CENPF: variants seen among roughly 807,000 people sequenced by gnomAD.
CENPF encodes the protein centromere protein F, also known as AH antigen.
In CENPF, 214 loss-of-function variants were observed where a neutral mutation model predicts 307.3. That is an observed-to-expected ratio of 0.70 (90% CI 0.62 to 0.78). CENPF has a LOEUF of 0.78. Ranked by LOEUF, CENPF falls within the 30% of genes least tolerant of loss-of-function variation. CENPF has a pLI of 0.00. For missense variants in CENPF, 3,401 were observed against 3,483.9 expected (o/e 0.98, Z 0.60); for synonymous variants, 1,259 against 1,270.6 (o/e 0.99, Z 0.19).
At chr1:214,618,468 A>G (rs1657416782) in intron 3 of CENPF, 105 bp from the exon 4 acceptor site, 7 of 1,317,956 alleles carry the variant, frequency 5.3e-6, no homozygotes, top group Admixed American at 2.3e-5. Flanking sequence ...TTCTTAGTGG[A>G]TGGGTTTCTT....
At chr1:214,605,761 G>A (rs1271699057) in intron 1 of CENPF, 4 of 1,594,076 alleles carry the variant, frequency 2.5e-6, no homozygotes, top group Non-Finnish European at 3.4e-6. Context: ...CGTTGTGCCT[G>A]GTGCCCTCCA....
chr1:214,631,647 C>T (rs999212285), intron 9 of CENPF, among the ~76,000 whole-genome samples: 5 of 152,230 alleles, frequency 3.3e-5, no homozygotes, highest in East Asian at 1.9e-4. Context: ...TTACAGGCGC[C>T]TGCCACCACG....
At position 214,655,303 on chromosome 1, in the gene CENPF, G is replaced by A. The variant is rs753288669; in HGVS notation, c.8385G>A (p.Met2795Ile). The change falls in exon 17 of 20, where the codon ATG (methionine) becomes ATA (isoleucine). Residue 2795 changes from methionine to isoleucine, a missense_variant. Coordinates refer to ENST00000366955, the MANE Select transcript of CENPF (RefSeq NM_016343.4). Reference sequence around the variant, plus strand: ...AAAATGAACGTGCCCAGGGGAAAATGAAGTTGTTGATCAAATCCTGTAAAC... The same window carrying A: ...AAAATGAACGTGCCCAGGGGAAAATAAAGTTGTTGATCAAATCCTGTAAAC... ...KKENERAQGKMKLLIKSCKQL... is the reference protein window; with the variant it reads ...KKENERAQGKIKLLIKSCKQL... 1.2e-6 allele frequency: 2 copies of A among 1,609,698 alleles called. No homozygotes were observed. The highest frequency in any genetic ancestry group is 1.7e-4 in the Middle Eastern group (1 of 6,044).
chr1:214,633,700 A>G (rs986992927), intron 10 of CENPF, among the ~76,000 whole-genome samples: 3 of 151,914 alleles, frequency 2.0e-5, no homozygotes, highest in African/African-American at 7.3e-5. Flanking sequence ...CAAAGGGGCA[A>G]TACTGCTGGA....
At chr1:214,619,010 C>T in intron 4 of CENPF, 119 bp from the exon 5 acceptor site, 1 of 604,412 alleles carries the variant, frequency 1.7e-6, no homozygotes, top group Admixed American at 3.4e-5. Context: ...ATTTCCCTAA[C>T]CAAAATGTTG....
At chr1:214,658,496 A>T (rs746700309) in intron 18 of CENPF, among the ~76,000 whole-genome samples, 3 of 150,810 alleles carry the variant, frequency 2.0e-5, no homozygotes, top group Non-Finnish European at 4.4e-5. Flanking sequence ...TTTTTCCCCA[A>T]CCCAATTTTA....
At chr1:214,634,413 AGAGT>A (rs1253030590) in intron 10 of CENPF, among the ~76,000 whole-genome samples, 5 of 152,166 alleles carry the variant, frequency 3.3e-5, no homozygotes, top group African/African-American at 1.2e-4. Flanking sequence ...TAGTGGCTTT[AGAGT>A]GAGTGAGATC....
rs1658669990 is a variant in CENPF, at chr1:214,657,405, G to A, written c.8958G>A (p.Lys2986=). Residue 2986 remains lysine, a synonymous_variant, in exon 18 of 20, where the codon AAG becomes AAA. Coordinates refer to ENST00000366955, the MANE Select transcript of CENPF (RefSeq NM_016343.4). ...FEPEGLPEVV[K]KGFADIPTGK... is the part of the protein sequence containing the mutation. The stretch of plus-strand genomic sequence containing the variant: ...CAGAGGGACTTCCAGAAGTTGTAAA[G>A]AAAGGTATGCCTAATTTAAAGACAA... The A allele has an allele frequency of 6.3e-7, 1 of 1,597,296 alleles. No homozygotes were observed. Among genetic ancestry groups the A allele is most frequent in the Non-Finnish European group, 8.5e-7 (1 of 1,171,822 alleles).
chr1:214,639,783 C>A, intron 11 of CENPF, 138 bp from the exon 12 acceptor site: 1 of 447,898 alleles, frequency 2.2e-6, no homozygotes, highest in Non-Finnish European at 3.8e-6. Context: ...GGTACCCAGG[C>A]AATAATGCCA....
chr1:214,607,841 C>T (rs1377840836), intron 1 of CENPF, among the ~76,000 whole-genome samples: 1 of 152,156 alleles, frequency 6.6e-6, no homozygotes, highest in Non-Finnish European at 1.5e-5. Flanking sequence ...TGCACCTGAC[C>T]CTGCAGGCCC....
At chr1:214,660,846 G>C (rs150165361) in intron 19 of CENPF, among the ~76,000 whole-genome samples, 1 of 152,174 alleles carries the variant, frequency 6.6e-6, no homozygotes, top group South Asian at 2.1e-4. Flanking sequence ...AGTTCTGTGA[G>C]GTTACTGATT....
At chr1:214,633,081 A>G (rs1181672620) in intron 10 of CENPF, among the ~76,000 whole-genome samples, 1 of 152,258 alleles carries the variant, frequency 6.6e-6, no homozygotes. Context: ...GTAGTGACAG[A>G]TAAAGAGTTT....
Position 214,622,249 on chromosome 1 carries a change from A to G in CENPF, c.1036A>G (p.Thr346Ala). 1 of 1,613,940 alleles carries G rather than the reference A, an allele frequency of 6.2e-7. No individual in the cohort carries two copies. Reference protein sequence around the residue: ...LNKCRDELVRTTAQYDQASTK... With the variant: ...LNKCRDELVRATAQYDQASTK... The stretch of plus-strand genomic sequence containing the variant: ...CAAATGTAGGGATGAACTAGTGAGA[A>G]CAACAGCACAATACGACCAGGCGTC... Residue 346 changes from threonine to alanine, a missense_variant, in exon 7 of 20, where the codon ACA becomes GCA. Coordinates refer to ENST00000366955, the MANE Select transcript of CENPF (RefSeq NM_016343.4).
At chr1:214,618,094 A>C (rs1460123562) in intron 3 of CENPF, among the ~76,000 whole-genome samples, 1 of 152,226 alleles carries the variant, frequency 6.6e-6, no homozygotes, top group Non-Finnish European at 1.5e-5. Flanking sequence ...AGAACCAAGC[A>C]TAGGAGGAAG....
Position 214,640,464 on chromosome 1 carries a change from T to A in CENPF, c.2126T>A (p.Phe709Tyr), listed in dbSNP as rs751514819. The stretch of plus-strand genomic sequence containing the variant: ...ATGGAGCTACAGCAGAAAGCTGAGT[T>A]CTCAGATCAGAAACATCAGAAGGAA... ...AYMELQQKAE[F>Y]SDQKHQKEIE... The change falls in exon 12 of 20, where the codon TTC becomes TAC. Residue 709 changes from phenylalanine (F) to tyrosine (Y), a missense_variant. Physicochemically the swap from Phe to Tyr is conservative, Grantham distance 22. Transcript: ENST00000366955. 2 of 1,613,972 alleles carry A rather than the reference T, an allele frequency of 1.2e-6. No homozygotes were observed. Among genetic ancestry groups the A allele is most frequent in the Non-Finnish European group, 1.7e-6 (2 of 1,179,876 alleles).
intron 7 of CENPF, among the ~76,000 whole-genome samples, chr1:214,626,208 T>C (rs566166320): frequency 6.6e-6 from 1 of 152,292 alleles, no homozygotes; most frequent in Admixed American, 6.5e-5. Flanking sequence ...TGAAGGATAT[T>C]CTGTTGGGTA....
At position 214,613,657 on chromosome 1, in the gene CENPF, C is replaced by A. The variant is rs188192791; in HGVS notation, c.-41-57C>A. On this transcript the variant is annotated intron_variant, in intron 1 of 19. Coordinates refer to ENST00000366955, the MANE Select transcript of CENPF (RefSeq NM_016343.4). ...GGTGGTTAGATAGATTCATTAATTT[C>A]TGAGACTTTGTTTCCTTTTACTGTG... The A allele has an allele frequency of 3.9e-5, 50 of 1,276,900 alleles. No homozygotes were observed. In the East Asian group the frequency reaches 1.2e-3, roughly 31 times the overall value. The allele number at this position is 1,276,900 out of a possible 1,614,324, so 79.1% of individuals were successfully genotyped here.
chr1:214,652,761 T>A (rs1375421520), intron 15 of CENPF, 67 bp from the exon 16 acceptor site: 1 of 1,400,438 alleles, frequency 7.1e-7, no homozygotes, highest in Non-Finnish European at 9.6e-7. Flanking sequence ...TTTTTCTGAC[T>A]ATTTTTTTTT....
chr1:214,663,879 G>A lies in CENPF; in HGVS notation c.*85G>A, dbSNP rs1313117159. 2.8e-6 allele frequency: 3 copies of A among 1,065,446 alleles called. No homozygotes were observed. The highest frequency in any genetic ancestry group is 4.1e-6 in the Non-Finnish European group (3 of 731,662). 66.0% of individuals were successfully genotyped at this position (1,065,446 alleles called of 1,614,324 possible). On this transcript the variant is annotated 3_prime_UTR_variant, in exon 20 of 20. Transcript: ENST00000366955. ...CCTACAGGACTTCTCTTTAGTCAGGGCATGCTTTATTAGTGAGGAGAAAAC... is the reference window on the plus strand; with the variant it reads ...CCTACAGGACTTCTCTTTAGTCAGGACATGCTTTATTAGTGAGGAGAAAAC...
Sources: gnomAD v4.1 joint callset for allele counts (sites outside exome capture counted in the v4.1 genomes callset) on GRCh38, gnomAD v4.1.1 for gene constraint, MANE v1.5 for transcripts, NCBI Gene and HGNC (gene_info 2026-07-23, HGNC 2026-07-21) for gene names.